EBF4: variants seen among roughly 807,000 people sequenced by gnomAD.
The protein encoded by EBF4 is EBF transcription factor 4.
EBF4 carries 34 observed loss-of-function variants against 67.1 expected under a neutral mutation model. That is an observed-to-expected ratio of 0.51 (90% confidence interval 0.39 to 0.67). The LOEUF (loss-of-function observed/expected upper bound fraction) is 0.67. Among genes scored for constraint, EBF4 ranks in the 30% least tolerant of loss-of-function variants. The pLI is 0.00. For synonymous variants in EBF4, 387 were observed against 377.7 expected, an observed-to-expected ratio of 1.02 and a Z score of -0.29; for missense variants, 837 against 873.3, an observed-to-expected ratio of 0.96 and a Z score of 0.52.
chr20:2,695,362 G>A (rs560339743), intron 1 of EBF4, among the ~76,000 whole-genome samples: 138 of 152,324 alleles, frequency 9.1e-4, no homozygotes, highest in Non-Finnish European at 1.7e-3. Context: ...TGGGGTTCAA[G>A]AAGTGTGGGG....
intron 6 of EBF4, among the ~76,000 whole-genome samples, chr20:2,742,448 C>G (rs1036889309): frequency 2.0e-5 from 3 of 152,300 alleles, no homozygotes; most frequent in African/African-American, 7.2e-5. Context: ...CTCCCTAATG[C>G]ATTTCATTTG....
At chr20:2,697,351 C>T (rs564617075) in intron 1 of EBF4, among the ~76,000 whole-genome samples, 57 of 151,918 alleles carry the variant, frequency 3.8e-4, no homozygotes, top group Non-Finnish European at 7.8e-4. Context: ...CGAGACCATC[C>T]TGGCTAACAC....
At chr20:2,715,110 A>G (rs1035140372) in intron 6 of EBF4, among the ~76,000 whole-genome samples, 1 of 152,178 alleles carries the variant, frequency 6.6e-6, no homozygotes, top group Non-Finnish European at 1.5e-5. Flanking sequence ...AGCTCCCCCC[A>G]GTCCCCATAC....
chr20:2,707,893 T>TG lies in EBF4; in HGVS notation c.415-53dup. ...TGCCAGGTCCGTCTGTGCTGCCACC[T>TG]GCACCTCAGAGGAGCCTCCTTCCCC... On this transcript the variant is annotated intron_variant, in intron 4 of 16. Transcript: ENST00000609451. The surrounding 1 kb of genome is among the most constrained non-coding windows in gnomAD (Gnocchi z 4.6). 2 of 1,500,202 alleles carry TG rather than the reference T, an allele frequency of 1.3e-6. No homozygotes were observed. The highest frequency in any genetic ancestry group is 1.8e-6 in the Non-Finnish European group (2 of 1,108,980). 92.9% of individuals were successfully genotyped at this position (1,500,202 alleles called of 1,614,324 possible).
At chr20:2,706,067 C>T in intron 3 of EBF4, 30 bp downstream of exon 3, 1 of 1,550,906 alleles carries the variant, frequency 6.4e-7, no homozygotes, top group Non-Finnish European at 8.7e-7. Flanking sequence ...CTACCCAGCC[C>T]TGCCCCTGAA....
intron 6 of EBF4, among the ~76,000 whole-genome samples, chr20:2,719,969 G>GA (rs1388361562): frequency 1.3e-5 from 2 of 152,122 alleles, no homozygotes; most frequent in Non-Finnish European, 2.9e-5. Flanking sequence ...TTCTACTATT[G>GA]AAAGAAGGGT....
chr20:2,730,716 C>T (rs1406999236), intron 6 of EBF4, among the ~76,000 whole-genome samples: 6 of 152,326 alleles, frequency 3.9e-5, no homozygotes, highest in African/African-American at 1.4e-4. Flanking sequence ...TTTAGGCATG[C>T]GAAGCTGGCC....
At chr20:2,743,893 A>T (rs573375767) in intron 6 of EBF4, among the ~76,000 whole-genome samples, 1 of 152,112 alleles carries the variant, frequency 6.6e-6, no homozygotes, top group African/African-American at 2.4e-5. Flanking sequence ...TCACACAGGT[A>T]CAATACATTT....
Position 2,715,279 on chromosome 20 carries a change from T to C in EBF4, c.557+5637T>C, listed in dbSNP as rs2087593183. 2.0e-5 allele frequency among the ~76,000 whole-genome samples: 3 copies of C among 152,358 alleles called. 1 individual carries two copies. In the South Asian group the frequency reaches 6.2e-4, roughly 32 times the overall value. Reference sequence around the variant, plus strand: ...AACTTTATAAAAAAAAATGATACCATGTTGCAGCAACCTTCTGCAATGCTC... The same window carrying C: ...AACTTTATAAAAAAAAATGATACCACGTTGCAGCAACCTTCTGCAATGCTC... On this transcript the variant is annotated intron_variant, in intron 6 of 16. Transcript: ENST00000609451.
chr20:2,693,813 G>T lies in EBF4; in HGVS notation c.137+31G>T. On this transcript the variant is annotated intron_variant, in intron 1 of 16. Coordinates refer to ENST00000609451, the Ensembl canonical transcript of EBF4. This position sits in a 1 kb window ranked among gnomAD's most constrained non-coding sequence, Gnocchi z 4.6. The stretch of plus-strand genomic sequence containing the variant: ...CGCTCGGACCGGACCCGGTGCGCTC[G>T]GGTTGGACGGCTGCGCGCCGCCTCA... 1 of 1,263,962 alleles carries T rather than the reference G, an allele frequency of 7.9e-7. No individual in the cohort carries two copies. The highest frequency in any genetic ancestry group is 2.7e-5 in the South Asian group (1 of 36,580). 78.3% of individuals were successfully genotyped at this position (1,263,962 alleles called of 1,614,324 possible). A position where few individuals can be genotyped will look rare whatever the true frequency, so the allele number is the denominator to read the frequency against.
chr20:2,747,742 C>A lies in EBF4; in HGVS notation c.558-807C>A, dbSNP rs1204383642. Among the ~76,000 whole-genome samples, 1 of 152,160 alleles carries A rather than the reference C, an allele frequency of 6.6e-6. No individual in the cohort carries two copies. The highest frequency in any genetic ancestry group is 2.1e-4 in the South Asian group (1 of 4,834). On this transcript the variant is annotated intron_variant, in intron 6 of 16. Transcript: ENST00000609451. The surrounding 1 kb of genome is among the most constrained non-coding windows in gnomAD (Gnocchi z 4.6). The stretch of plus-strand genomic sequence containing the variant: ...CTATATTTTGGGTAATCATTTACAA[C>A]ATAAAATGCGTATTAATGTATTTGT...
chr20:2,717,541 A>T (rs890310092), intron 6 of EBF4, among the ~76,000 whole-genome samples: 1 of 152,116 alleles, frequency 6.6e-6, no homozygotes, highest in African/African-American at 2.4e-5. Context: ...TCCAGGTACT[A>T]TTTGTATTTT....
chr20:2,752,748 C>A (rs943264329), intron 14 of EBF4, among the ~76,000 whole-genome samples: 1 of 152,348 alleles, frequency 6.6e-6, no homozygotes, highest in East Asian at 1.9e-4. Flanking sequence ...CTGCACATCC[C>A]GGGGTCCTGG....
At chr20:2,705,083 A>G (rs1301701353) in intron 1 of EBF4, among the ~76,000 whole-genome samples, 1 of 152,224 alleles carries the variant, frequency 6.6e-6, no homozygotes, top group Non-Finnish European at 1.5e-5. Context: ...GATGCCTCCA[A>G]GGGTCTGATG....
intron 6 of EBF4, among the ~76,000 whole-genome samples, chr20:2,719,903 C>G (rs1011247814): frequency 2.0e-5 from 3 of 152,186 alleles, no homozygotes; most frequent in African/African-American, 4.8e-5. Context: ...TCAAACAGGT[C>G]AAGTTAATTG....
At chr20:2,709,691 G>T in intron 6 of EBF4, 49 bp downstream of exon 6, 1 of 1,474,106 alleles carries the variant, frequency 6.8e-7, no homozygotes. Context: ...AGTGGGGGAG[G>T]GGCAGCTGTT....
At chr20:2,759,052 G>A (rs1219704665) in intron 16 of EBF4, 68 bp downstream of exon 16, 3 of 1,432,396 alleles carry the variant, frequency 2.1e-6, no homozygotes, top group African/African-American at 2.8e-5. Flanking sequence ...CTCTCTAAAG[G>A]CCTTCATCCT....
intron 1 of EBF4, among the ~76,000 whole-genome samples, chr20:2,698,209 G>A (rs954079106): frequency 1.3e-5 from 2 of 152,224 alleles, no homozygotes; most frequent in Admixed American, 1.3e-4. Flanking sequence ...ATTTCCTGGG[G>A]CAGGTGAGCA....
intron 14 of EBF4, among the ~76,000 whole-genome samples, chr20:2,752,983 CG>C (rs1186586504): frequency 3.3e-5 from 5 of 152,148 alleles, no homozygotes; most frequent in South Asian, 4.1e-4. Context: ...GGCTTCCAGC[CG>C]CCCCCCAGCT....
Sources: allele counts gnomAD v4.1 joint callset (sites outside exome capture counted in the v4.1 genomes callset), GRCh38; gene constraint gnomAD v4.1.1; non-coding constraint Gnocchi (gnomAD v3.1); transcripts MANE v1.5; gene names NCBI Gene and HGNC (gene_info 2026-07-23, HGNC 2026-07-21).